Variants in TACC2 observed in about 807,000 individuals in gnomAD.
The protein encoded by TACC2 is transforming acidic coiled-coil-containing protein 2.
In TACC2, 137 loss-of-function variants were observed where a neutral mutation model predicts 227.3. The observed-to-expected ratio is 0.60, with a 90% CI of 0.52 to 0.69. The LOEUF is 0.69. TACC2 is among the 30% of genes least tolerant of loss of function. The pLI is 0.00. For synonymous variants in TACC2, 1,523 were observed against 1,487.5 expected (o/e 1.02, Z -0.55); for missense variants, 3,470 against 3,694.4 (o/e 0.94, Z 1.57).
At chr10:122,237,842 T>C in intron 17 of TACC2, 119 bp from the exon 18 acceptor site, 2 of 776,394 alleles carry the variant, frequency 2.6e-6, no homozygotes, top group Non-Finnish European at 4.1e-6. Flanking sequence ...AATTATGGTT[T>C]GTTGTAGGAA....
chr10:122,247,990 G>A (rs2096165348), intron 19 of TACC2: 1 of 152,286 alleles, frequency 6.6e-6, no homozygotes, highest in African/African-American at 2.4e-5. Context: ...CCTCTCACCA[G>A]GATCAGCCAC....
chr10:122,003,398 A>G (rs1226741790), intron 1 of TACC2, among the ~76,000 whole-genome samples: 1 of 151,972 alleles, frequency 6.6e-6, no homozygotes, highest in East Asian at 1.9e-4. Flanking sequence ...TTCACTGACA[A>G]ATATGTTTGA....
intron 2 of TACC2, among the ~76,000 whole-genome samples, chr10:122,039,219 G>A (rs2073955403): frequency 6.6e-6 from 1 of 152,132 alleles, no homozygotes; most frequent in African/African-American, 2.4e-5. Flanking sequence ...GAGGTGATCT[G>A]TTCACCTTGG....
chr10:122,234,848 AT>A (rs1183250480), intron 16 of TACC2, among the ~76,000 whole-genome samples: 11 of 152,150 alleles, frequency 7.2e-5, no homozygotes, highest in Admixed American at 7.2e-4. Context: ...AATTAAATCA[AT>A]TTTCTCCTGC....
At chr10:122,162,859 G>C (rs746364413) in intron 7 of TACC2, among the ~76,000 whole-genome samples, 1 of 152,112 alleles carries the variant, frequency 6.6e-6, no homozygotes. Context: ...CCCTGTACAC[G>C]CATGCTGCAT....
chr10:121,998,135 C>G (rs1953786995), intron 1 of TACC2, among the ~76,000 whole-genome samples: 1 of 151,838 alleles, frequency 6.6e-6, no homozygotes, highest in African/African-American at 2.4e-5. Flanking sequence ...TATGGTGAAA[C>G]CCGTCTCTAC....
At chr10:122,243,266 T>G (rs2096044224) in intron 19 of TACC2, among the ~76,000 whole-genome samples, 1 of 152,152 alleles carries the variant, frequency 6.6e-6, no homozygotes, top group Admixed American at 6.5e-5. Flanking sequence ...TTTTTTCTTC[T>G]AAGGATATAT....
chr10:122,031,356 G>A (rs1222840335), intron 2 of TACC2, among the ~76,000 whole-genome samples: 1 of 151,520 alleles, frequency 6.6e-6, no homozygotes, highest in Non-Finnish European at 1.5e-5. Flanking sequence ...GCCCTTGGCA[G>A]GTCCAGCCTT....
chr10:122,156,755 T>C (rs190982312), intron 7 of TACC2, among the ~76,000 whole-genome samples: 159 of 152,326 alleles, frequency 1.0e-3, no homozygotes, highest in African/African-American at 3.7e-3. Context: ...TCTTCCAGGT[T>C]TGCAGTTTTG....
chr10:122,233,279 C>A (rs1388741466), intron 16 of TACC2, among the ~76,000 whole-genome samples: 1 of 152,210 alleles, frequency 6.6e-6, no homozygotes, highest in Admixed American at 6.5e-5. Context: ...CTGAATTTAA[C>A]ACTCAGCCAC....
At chr10:122,063,856 A>ACACACACC (rs761240311) in intron 3 of TACC2, among the ~76,000 whole-genome samples, 1 of 150,570 alleles carries the variant, frequency 6.6e-6, no homozygotes, top group African/African-American at 2.5e-5. Flanking sequence ...ACACACACAC[A>ACACACACC]CCCTTAAAGA....
intron 6 of TACC2, among the ~76,000 whole-genome samples, 157 bp from the exon 7 acceptor site, chr10:122,143,415 G>A (rs953114280): frequency 6.6e-6 from 1 of 151,114 alleles, no homozygotes; most frequent in African/African-American, 2.4e-5. Context: ...GTGCAGAAGT[G>A]GAGGCCTGGA....
chr10:122,063,442 C>T (rs370707585), intron 3 of TACC2, among the ~76,000 whole-genome samples: 38 of 152,218 alleles, frequency 2.5e-4, no homozygotes, highest in African/African-American at 8.4e-4. Context: ...GAGGAGTGAG[C>T]TCCTGACTTT....
chr10:122,226,693 C>T (rs1307886750), intron 13 of TACC2, among the ~76,000 whole-genome samples: 1 of 152,048 alleles, frequency 6.6e-6, no homozygotes, highest in Non-Finnish European at 1.5e-5. Context: ...CTCACCTCAG[C>T]CTCCCAAAGT....
intron 5 of TACC2, among the ~76,000 whole-genome samples, chr10:122,111,261 G>A (rs924905514): frequency 1.5e-4 from 23 of 152,158 alleles, no homozygotes; most frequent in Non-Finnish European, 2.4e-4. Context: ...CCATCTTGCC[G>A]GGGCCTTCCT....
chr10:122,025,244 TA>T (rs1957834919), intron 2 of TACC2, among the ~76,000 whole-genome samples: 1 of 152,214 alleles, frequency 6.6e-6, no homozygotes, highest in Non-Finnish European at 1.5e-5. Context: ...GCCCATTTTC[TA>T]ACTAGATTAT....
At chr10:122,134,851 T>C (rs973982223) in intron 6 of TACC2, among the ~76,000 whole-genome samples, 2 of 152,192 alleles carry the variant, frequency 1.3e-5, no homozygotes, top group Non-Finnish European at 2.9e-5. Context: ...AGAGCTGCAG[T>C]CCAGCGGAGG....
At chr10:122,186,525 A>T (rs997502289) in intron 7 of TACC2, among the ~76,000 whole-genome samples, 3 of 151,882 alleles carry the variant, frequency 2.0e-5, no homozygotes, top group South Asian at 2.1e-4. Flanking sequence ...TTATTTATTT[A>T]TTTTTTGAAA....
At chr10:122,074,685 C>A (rs2078566854) in intron 3 of TACC2, among the ~76,000 whole-genome samples, 1 of 152,030 alleles carries the variant, frequency 6.6e-6, no homozygotes, top group Non-Finnish European at 1.5e-5. Flanking sequence ...CCACACAGCA[C>A]CTTGCCTACC....
Sources: allele counts gnomAD v4.1 joint callset (sites outside exome capture counted in the v4.1 genomes callset), GRCh38; gene constraint gnomAD v4.1.1; transcripts MANE v1.5; gene names NCBI Gene and HGNC (gene_info 2026-07-23, HGNC 2026-07-21).